PKN2: variants seen among roughly 807,000 people sequenced by gnomAD.
PKN2 encodes the protein serine/threonine-protein kinase N2.
PKN2 carries 38 observed loss-of-function variants against 119.1 expected under a neutral mutation model. The ratio of observed to expected loss-of-function variants is 0.32; its 90% confidence interval spans 0.25 to 0.42. The LOEUF (loss-of-function observed/expected upper bound fraction) is 0.42. Among genes scored for constraint, PKN2 ranks in the 10% least tolerant of loss-of-function variants. The pLI is 1.00. For missense variants in PKN2, 850 were observed against 1,165.1 expected (o/e 0.73, Z 3.94); for synonymous variants, 390 against 384.9 (o/e 1.01, Z -0.15).
At chr1:88,808,485 TA>T (rs1426925568) in intron 15 of PKN2, among the ~76,000 whole-genome samples, 2 of 151,938 alleles carry the variant, frequency 1.3e-5, no homozygotes, top group African/African-American at 4.8e-5. Flanking sequence ...TTTGTATTTT[TA>T]GTAGAAATGG....
At chr1:88,714,811 T>TG (rs1325294070) in intron 1 of PKN2, among the ~76,000 whole-genome samples, 5 of 152,220 alleles carry the variant, frequency 3.3e-5, no homozygotes, top group African/African-American at 9.6e-5. Context: ...AATGCTGTGT[T>TG]GAACAGGAGT....
chr1:88,736,092 G>T (rs1301296979), intron 1 of PKN2, among the ~76,000 whole-genome samples: 1 of 151,794 alleles, frequency 6.6e-6, no homozygotes, highest in African/African-American at 2.4e-5. Context: ...TCAGATTTTT[G>T]TATCTGATAG....
At chr1:88,806,984 C>G (rs977982863) in intron 12 of PKN2, among the ~76,000 whole-genome samples, 1 of 152,090 alleles carries the variant, frequency 6.6e-6, no homozygotes, top group African/African-American at 2.4e-5. Flanking sequence ...TACCAAAGTG[C>G]TGGGATTACA....
intron 6 of PKN2, among the ~76,000 whole-genome samples, chr1:88,784,099 C>T (rs1180520381): frequency 6.8e-6 from 1 of 147,348 alleles, no homozygotes; most frequent in African/African-American, 2.5e-5. Flanking sequence ...CTTTTATGCC[C>T]TCTATACAGA....
chr1:88,740,800 A>C (rs1398307368), intron 1 of PKN2, among the ~76,000 whole-genome samples, 188 bp from the exon 2 acceptor site: 1 of 152,102 alleles, frequency 6.6e-6, no homozygotes, highest in Non-Finnish European at 1.5e-5. Flanking sequence ...TGAGTTCTTG[A>C]ATTTATGATT....
intron 1 of PKN2, among the ~76,000 whole-genome samples, chr1:88,735,462 T>TG (rs1668300542): frequency 9.3e-6 from 1 of 108,020 alleles, no homozygotes; most frequent in African/African-American, 2.9e-5. Flanking sequence ...GTTCCTGGCC[T>TG]ATTTTTTTTT....
intron 2 of PKN2, among the ~76,000 whole-genome samples, chr1:88,748,794 G>A (rs897153352): frequency 1.3e-5 from 2 of 152,030 alleles, no homozygotes; most frequent in Non-Finnish European, 2.9e-5. Context: ...AATTAGCCAA[G>A]TATGGTGGTG....
At chr1:88,750,643 C>A (rs1190489361) in intron 2 of PKN2, among the ~76,000 whole-genome samples, 3 of 152,106 alleles carry the variant, frequency 2.0e-5, no homozygotes, top group Non-Finnish European at 2.9e-5. Flanking sequence ...ACCTGGATGT[C>A]CTGTTGGCTT....
chr1:88,743,853 C>T (rs1668664079), intron 2 of PKN2, among the ~76,000 whole-genome samples: 2 of 151,976 alleles, frequency 1.3e-5, no homozygotes, highest in African/African-American at 4.8e-5. Flanking sequence ...TATGATAAAG[C>T]CAGAAACTTT....
intron 8 of PKN2, among the ~76,000 whole-genome samples, chr1:88,792,453 G>A (rs1295033390): frequency 6.6e-6 from 1 of 152,004 alleles, no homozygotes; most frequent in Admixed American, 6.6e-5. Context: ...TTCCTCTGGG[G>A]CTATATGACT....
At chr1:88,812,044 T>C (rs985249091) in intron 15 of PKN2, among the ~76,000 whole-genome samples, 1 of 152,164 alleles carries the variant, frequency 6.6e-6, no homozygotes, top group Non-Finnish European at 1.5e-5. Context: ...GAATAAGGCT[T>C]AAAGTTTTAA....
In PKN2 at chr1:88,835,945, A is replaced by G. The variant is rs1672927968; in HGVS notation, c.*2497A>G. 1 of 152,166 alleles carries G rather than the reference A, an allele frequency of 6.6e-6. No individual in the cohort carries two copies. The highest frequency in any genetic ancestry group is 1.5e-5 in the Non-Finnish European group (1 of 68,002). The allele number at this position is 152,166 out of a possible 1,614,324, so 9.4% of individuals were successfully genotyped here. A position where few individuals can be genotyped will look rare whatever the true frequency, so the allele number is the denominator to read the frequency against. ...GTACTTTTTGTCCTAGTGAAGGCTT[A>G]AAACCATGAACATTCAGAGCAAACT... On this transcript the variant is annotated 3_prime_UTR_variant, in exon 22 of 22. Transcript: ENST00000370521.
rs1221859958 is a variant in PKN2, at chr1:88,829,284, A to G, written c.2562+661A>G. On this transcript the variant is annotated intron_variant, in intron 19 of 21. Coordinates refer to ENST00000370521, the MANE Select transcript of PKN2 (RefSeq NM_006256.4). ...GCTGAGAATGAAACCAATGAGGTCAATTTGAGAGAGATACCTTCACATGTG... is the reference window on the plus strand; with the variant it reads ...GCTGAGAATGAAACCAATGAGGTCAGTTTGAGAGAGATACCTTCACATGTG... 6 of 640,652 alleles carry G rather than the reference A, an allele frequency of 9.4e-6. 1 individual carries two copies. Among genetic ancestry groups the G allele is most frequent in the South Asian group, 3.2e-5 (2 of 63,388 alleles). The allele number at this position is 640,652 out of a possible 1,614,324, so 39.7% of individuals were successfully genotyped here.
At chr1:88,685,190 C>T (rs1666038962) in intron 1 of PKN2, 2 of 152,348 alleles carry the variant, frequency 1.3e-5, no homozygotes, top group African/African-American at 4.8e-5. Flanking sequence ...TTCAGCAGCC[C>T]TCTTCAGGTG....
intron 1 of PKN2, among the ~76,000 whole-genome samples, chr1:88,727,104 G>C (rs1299354137): frequency 6.7e-6 from 1 of 148,734 alleles, no homozygotes; most frequent in East Asian, 2.0e-4. Context: ...TTTTGAAGCT[G>C]TGTTGTTTCC....
chr1:88,692,877 G>A (rs1048666075), intron 1 of PKN2, among the ~76,000 whole-genome samples: 5 of 152,028 alleles, frequency 3.3e-5, no homozygotes, highest in Admixed American at 6.5e-5. Context: ...AATTTACATC[G>A]TTATCATCAA....
rs77985641 is a variant in PKN2, at chr1:88,754,554, C to T, written c.350-5668C>T. On this transcript the variant is annotated intron_variant, in intron 2 of 21. Transcript: ENST00000370521. ...TAACAATAGTATTGAAGAAAACAAT[C>T]GCATTTTATTAGAAAGGTTTTGAAC... Among the ~76,000 whole-genome samples, 775 of 152,162 alleles carry T rather than the reference C, an allele frequency of 5.1e-3. 3 individuals carry two copies. The highest frequency in any genetic ancestry group is 0.017 in the African/African-American group (725 of 41,512).
chr1:88,806,374 T>C (rs564390346), intron 12 of PKN2: 1 of 247,510 alleles, frequency 4.0e-6, no homozygotes. Context: ...TTCATTATAT[T>C]GGTCAGGCTG....
At chr1:88,790,823 C>T (rs908078563) in intron 8 of PKN2, among the ~76,000 whole-genome samples, 7 of 151,858 alleles carry the variant, frequency 4.6e-5, no homozygotes, top group African/African-American at 1.7e-4. Context: ...CTGTGATTTT[C>T]TTTTGTCTAT....
Sources: allele counts gnomAD v4.1 joint callset (sites outside exome capture counted in the v4.1 genomes callset), GRCh38; gene constraint gnomAD v4.1.1; transcripts MANE v1.5; gene names NCBI Gene and HGNC (gene_info 2026-07-23, HGNC 2026-07-21).